NOP53: variants seen among roughly 807,000 people sequenced by gnomAD.
The protein encoded by NOP53 is NOP53 ribosome biogenesis factor.
NOP53 carries 40 observed loss-of-function variants against 61.0 expected under a neutral mutation model. That is an observed-to-expected ratio of 0.66 (90% CI 0.51 to 0.85). The LOEUF (loss-of-function observed/expected upper bound fraction) is 0.85. Among genes scored for constraint, NOP53 ranks in the 40% least tolerant of loss-of-function variants. The pLI is 0.00. For synonymous variants in NOP53, 308 were observed against 289.5 expected (o/e 1.06, Z -0.65); for missense variants, 689 against 652.9 (o/e 1.06, Z -0.60).
intron 5 of NOP53, among the ~76,000 whole-genome samples, 193 bp from the exon 6 acceptor site, chr19:47,752,319 T>C (rs971923421): frequency 2.6e-5 from 4 of 152,084 alleles, no homozygotes; most frequent in Admixed American, 2.6e-4. Context: ...GGGCTCAGCC[T>C]CGTGGGTAGC....
chr19:47,751,738 G>C (rs2123674848), intron 5 of NOP53, 148 bp downstream of exon 5: 1 of 686,232 alleles, frequency 1.5e-6, no homozygotes, highest in Non-Finnish European at 2.7e-6. Flanking sequence ...TGGGATTCCT[G>C]TCCCAGCTCC....
Position 47,751,006 on chromosome 19 carries a change from G to T in NOP53, c.497G>T (p.Arg166Leu), listed in dbSNP as rs752084705. 1.9e-6 allele frequency: 3 copies of T among 1,595,876 alleles called. No individual in the cohort carries two copies. Among genetic ancestry groups the T allele is most frequent in the South Asian group, 1.1e-5 (1 of 88,070 alleles). Residue 166 changes from arginine to leucine, a missense_variant, in exon 4 of 13, where the codon CGC becomes CTC. Physicochemically the swap from Arg to Leu is moderately radical, Grantham distance 102. Transcript: ENST00000246802. ...AKQGELPREVRRAQARLLNPS... is the reference protein window; with the variant it reads ...AKQGELPREVLRAQARLLNPS... Reference sequence around the variant, plus strand: ...CAGGGCGAGCTGCCCCGGGAGGTGCGCAGGGCCCAGGCCCGGCTCCTCAAC... The same window carrying T: ...CAGGGCGAGCTGCCCCGGGAGGTGCTCAGGGCCCAGGCCCGGCTCCTCAAC...
At position 47,756,623 on chromosome 19, in the gene NOP53, T is replaced by A; in HGVS notation, c.1373+19T>A. The A allele has an allele frequency of 6.2e-7, 1 of 1,613,592 alleles. No individual in the cohort carries two copies. The highest frequency in any genetic ancestry group is 1.1e-5 in the South Asian group (1 of 91,076). On this transcript the variant is annotated intron_variant, in intron 11 of 12. Coordinates refer to ENST00000246802, the MANE Select transcript of NOP53 (RefSeq NM_015710.5). Reference sequence around the variant, plus strand: ...GAGCCAAGTAAGGGGCGGCCGGGGCTGCTGTGGGGCGAGGGCATCTGGGAT... The same window carrying A: ...GAGCCAAGTAAGGGGCGGCCGGGGCAGCTGTGGGGCGAGGGCATCTGGGAT...
At position 47,745,665 on chromosome 19, in the gene NOP53, C is replaced by T. The variant is rs755612274; in HGVS notation, c.106C>T (p.Arg36Trp). Residue 36 changes from arginine (R) to tryptophan (W), a missense_variant, in exon 1 of 13, where the codon CGG becomes TGG. Physicochemically the swap from Arg to Trp is moderately radical, Grantham distance 101. Transcript: ENST00000246802. ...CACTTCGGTGGACCCAGCGCTGAGG[C>T]GGCGGCGGCGAGGCCCAAGAAATAA... ...RPTSVDPALRRRRRGPRNKKR... is the reference protein window; with the variant it reads ...RPTSVDPALRWRRRGPRNKKR... 1.2e-6 allele frequency: 2 copies of T among 1,612,522 alleles called. No individual in the cohort carries two copies. The highest frequency in any genetic ancestry group is 1.7e-5 in the Admixed American group (1 of 59,926).
chr19:47,749,083 C>T (rs1232205603), intron 2 of NOP53, among the ~76,000 whole-genome samples: 1 of 151,888 alleles, frequency 6.6e-6, no homozygotes, highest in Non-Finnish European at 1.5e-5. Flanking sequence ...GTTGCTTGAA[C>T]CTGGGAGGCA....
At position 47,753,788 on chromosome 19, in the gene NOP53, A is replaced by C. The variant is rs112419813; in HGVS notation, c.766-739A>C. 1,161 of 152,344 alleles carry C rather than the reference A, an allele frequency of 7.6e-3. 6 individuals are homozygous for C. The highest frequency in any genetic ancestry group is 0.012 in the Non-Finnish European group (796 of 68,066). The allele number at this position is 152,344 out of a possible 1,614,324, so 9.4% of individuals were successfully genotyped here. A position where few individuals can be genotyped will look rare whatever the true frequency, so the allele number is the denominator to read the frequency against. On this transcript the variant is annotated intron_variant, in intron 6 of 12. Transcript: ENST00000246802. ...ATTCACTTAACCATACGGTCAGCCT[A>C]GTTAGAGTATGTGATTCAGTGGCTT... is the stretch of plus-strand genomic sequence containing the variant.
rs1000235016 is a variant in NOP53, at chr19:47,748,932, C to T, written c.290-1246C>T. 5.3e-5 allele frequency among the ~76,000 whole-genome samples: 8 copies of T among 151,812 alleles called. No homozygotes were observed. The East Asian group carries it at 1.4e-3, about 26-fold the overall frequency. On this transcript the variant is annotated intron_variant, in intron 2 of 12. Coordinates refer to ENST00000246802, the MANE Select transcript of NOP53 (RefSeq NM_015710.5). ...ATCCCAGCACTTTGGGAGGCTGATG[C>T]GGGTGGATCACCTGAGGTCGGGAGT...
At chr19:47,746,879 TA>T in intron 1 of NOP53, 87 bp from the exon 2 acceptor site, 1 of 1,083,722 alleles carries the variant, frequency 9.2e-7, no homozygotes, top group Non-Finnish European at 1.4e-6. Flanking sequence ...GGGACTTGAC[TA>T]AGCGGAAGAT....
At chr19:47,753,724 C>G (rs1297356177) in intron 6 of NOP53, 1 of 152,160 alleles carries the variant, frequency 6.6e-6, no homozygotes, top group Non-Finnish European at 1.5e-5. Flanking sequence ...ATCAGACATT[C>G]ACTTTTAGAT....
chr19:47,752,681 T>C lies in NOP53; in HGVS notation c.765+74T>C. The C allele has an allele frequency of 6.4e-6, 6 of 938,436 alleles. No homozygotes were observed. The South Asian group carries it at 6.6e-5, about 10-fold the overall frequency. 58.1% of individuals were successfully genotyped at this position (938,436 alleles called of 1,614,324 possible). A position where few individuals can be genotyped will look rare whatever the true frequency, so the allele number is the denominator to read the frequency against. Reference sequence around the variant, plus strand: ...GTCAGGCCTTCACTAGCTTCCTCCCTGTGCTGGGAACTCCAATGACCCAGA... The same window carrying C: ...GTCAGGCCTTCACTAGCTTCCTCCCCGTGCTGGGAACTCCAATGACCCAGA... On this transcript the variant is annotated intron_variant, in intron 6 of 12. Coordinates refer to ENST00000246802, the MANE Select transcript of NOP53 (RefSeq NM_015710.5).
chr19:47,756,540 A>G lies in NOP53; in HGVS notation c.1309A>G (p.Ile437Val), dbSNP rs199555316. The G allele has an allele frequency of 1.0e-4, 169 of 1,613,964 alleles. No individual in the cohort carries two copies. In the East Asian group the frequency reaches 3.3e-3, roughly 31 times the overall value. Residue 437 changes from isoleucine to valine, a missense_variant, in exon 11 of 13, where the codon ATC becomes GTC. By Grantham distance (29) the Ile-to-Val change is conservative. Transcript: ENST00000246802. ...SLRTLKPEGN[I>V]LRDRFKSFQR... ...CTCTGTCCTGTAGCCCGAGGGCAACATCCTTCGAGACCGGTTCAAGAGCTT... is the reference window on the plus strand; with the variant it reads ...CTCTGTCCTGTAGCCCGAGGGCAACGTCCTTCGAGACCGGTTCAAGAGCTT...
Position 47,754,379 on chromosome 19 carries a change from G to A in NOP53, c.766-148G>A. The stretch of plus-strand genomic sequence containing the variant: ...GTGCCCTCTGGCTCTGTGCAGGGTG[G>A]GTGTGCTGGTAGACGGGGTGTGGGG... On this transcript the variant is annotated intron_variant, in intron 6 of 12. Coordinates refer to ENST00000246802, the MANE Select transcript of NOP53 (RefSeq NM_015710.5). The surrounding 1 kb of genome is among the most constrained non-coding windows in gnomAD (Gnocchi z 4.2). The A allele has an allele frequency of 1.5e-6, 1 of 662,816 alleles. No homozygotes were observed. Among genetic ancestry groups the A allele is most frequent in the Non-Finnish European group, 2.7e-6 (1 of 363,840 alleles). 41.1% of individuals were successfully genotyped at this position (662,816 alleles called of 1,614,324 possible). A position where few individuals can be genotyped will look rare whatever the true frequency, so the allele number is the denominator to read the frequency against.
At position 47,755,944 on chromosome 19, in the gene NOP53, T is replaced by C. The variant is rs941040917; in HGVS notation, c.1296+122T>C. ...CCCTGGGCTGGGCCAGTGGGGCCAATGCCCAGGGGCTGAGGGCACGGGATG... is the reference window on the plus strand; with the variant it reads ...CCCTGGGCTGGGCCAGTGGGGCCAACGCCCAGGGGCTGAGGGCACGGGATG... On this transcript the variant is annotated intron_variant, in intron 10 of 12. Transcript: ENST00000246802. 9.3e-6 allele frequency: 7 copies of C among 750,438 alleles called. No homozygotes were observed. The East Asian group carries it at 1.9e-4, about 20-fold the overall frequency. 46.5% of individuals were successfully genotyped at this position (750,438 alleles called of 1,614,324 possible). A position where few individuals can be genotyped will look rare whatever the true frequency, so the allele number is the denominator to read the frequency against.
Position 47,750,194 on chromosome 19 carries a change from A to G in NOP53, c.306A>G (p.Arg102=), listed in dbSNP as rs3745755. The G allele has an allele frequency of 6.2e-7, 1 of 1,610,616 alleles. No individual in the cohort carries two copies. Among genetic ancestry groups the G allele is most frequent in the East Asian group, 2.2e-5 (1 of 44,834 alleles). ...CATTCTTAGGGCTGACAAAGAAGAG[A>G]ACCAAAGTCCAGAAGAAGTCACTGC... ...GSKEKGLTKK[R]TKVQKKSLLL... is the part of the protein sequence containing the mutation. The change falls in exon 3 of 13, where the codon AGA becomes AGG. Residue 102 remains arginine (R), a synonymous_variant. Coordinates refer to ENST00000246802, the MANE Select transcript of NOP53 (RefSeq NM_015710.5).
At position 47,754,684 on chromosome 19, in the gene NOP53, C is replaced by G; in HGVS notation, c.871-25C>G. On this transcript the variant is annotated intron_variant, in intron 7 of 12. Coordinates refer to ENST00000246802, the MANE Select transcript of NOP53 (RefSeq NM_015710.5). The surrounding 1 kb of genome is among the most constrained non-coding windows in gnomAD (Gnocchi z 4.2). ...CCCTCCCCGGGCCTCCTACCCACCC[C>G]TGACACTGCACCCCGCCTCCCCAGG... 6.5e-7 allele frequency: 1 copy of G among 1,540,088 alleles called. No homozygotes were observed. The highest frequency in any genetic ancestry group is 8.8e-7 in the Non-Finnish European group (1 of 1,140,192).
chr19:47,749,017 C>T (rs973066173), intron 2 of NOP53, among the ~76,000 whole-genome samples: 5 of 151,734 alleles, frequency 3.3e-5, no homozygotes, highest in East Asian at 1.9e-4. Context: ...CAAAATTAGC[C>T]GAGCGTGGTG....
rs1967162020 is a variant in NOP53 at position 47,754,474 on chromosome 19, G to C, written c.766-53G>C. 9 of 1,337,724 alleles carry C rather than the reference G, an allele frequency of 6.7e-6. No homozygotes were observed. Among genetic ancestry groups the C allele is most frequent in the Non-Finnish European group, 8.4e-6 (8 of 956,384 alleles). The allele number at this position is 1,337,724 out of a possible 1,614,324, so 82.9% of individuals were successfully genotyped here. A position where few individuals can be genotyped will look rare whatever the true frequency, so the allele number is the denominator to read the frequency against. On this transcript the variant is annotated intron_variant, in intron 6 of 12. Coordinates refer to ENST00000246802, the MANE Select transcript of NOP53 (RefSeq NM_015710.5). This position sits in a 1 kb window ranked among gnomAD's most constrained non-coding sequence, Gnocchi z 4.2. ...GACAGATGGGAGGTAAGAGGGTCTA[G>C]TCTCAGTGTCCCAGGAGGGGTTCAG...
intron 8 of NOP53, 129 bp downstream of exon 8, chr19:47,755,020 G>C (rs1967172702): frequency 1.2e-6 from 1 of 869,166 alleles, no homozygotes; most frequent in African/African-American, 1.7e-5. Flanking sequence ...CCTGTGGTTT[G>C]GGCTGTTTGG....
chr19:47,752,731 G>T (rs10415778), intron 6 of NOP53, 124 bp downstream of exon 6: 65,308 of 660,496 alleles, frequency 0.099, 3,951 homozygotes, highest in Non-Finnish European at 0.12. Context: ...TCCGCAACGG[G>T]GCTCACGGTC....
Sources: allele counts gnomAD v4.1 joint callset (sites outside exome capture counted in the v4.1 genomes callset), GRCh38; gene constraint gnomAD v4.1.1; non-coding constraint Gnocchi (gnomAD v3.1); transcripts MANE v1.5; gene names NCBI Gene and HGNC (gene_info 2026-07-23, HGNC 2026-07-21).